The following NLRC4 variants were observed in gnomAD, a reference collection of about 807,000 sequenced individuals.
The protein encoded by NLRC4 is NLR family CARD domain containing 4, also known as NLR family CARD domain-containing protein 4.
Under a neutral mutation model 79.9 loss-of-function variants are expected in NLRC4, and 63 were observed. That is an observed-to-expected ratio of 0.79 (90% CI 0.64 to 0.97). The LOEUF (loss-of-function observed/expected upper bound fraction) is 0.97, where lower values mean the gene tolerates loss of function less well. NLRC4 is among the 50% of genes least tolerant of loss of function. NLRC4 has a pLI of 0.00. For missense variants in NLRC4, 1,074 were observed against 1,215.2 expected (o/e 0.88, Z 1.73); for synonymous variants, 461 against 456.5 (o/e 1.01, Z -0.12).
upstream of NLRC4, among the ~76,000 whole-genome samples, chr2:32,265,284 G>A (rs536707713): frequency 5.9e-5 from 9 of 152,004 alleles, no homozygotes; most frequent in South Asian, 2.1e-4. Context: ...GGGTTCAAGC[G>A]TTCCTCCCGC....
At chr2:32,247,136 C>T (rs1276077675) in intron 4 of NLRC4, among the ~76,000 whole-genome samples, 1 of 152,066 alleles carries the variant, frequency 6.6e-6, no homozygotes, top group African/African-American at 2.4e-5. Flanking sequence ...TCTTGTAACA[C>T]AATTAGCTCC....
rs1687033600 is a variant in NLRC4, at chr2:32,250,105, T to C, written c.1759A>G (p.Asn587Asp). ...AAGTAATCGGGGATGTTCCCTGAGT[T>C]GATATATAAGCTTTTACCTTGAAAG... The part of the protein sequence containing the change: ...AFFQGKSLYI[N>D]SGNIPDYLFD... Residue 587 changes from asparagine to aspartate, a missense_variant, in exon 4 of 9, where the codon AAC becomes GAC. Coordinates refer to ENST00000402280, the MANE Select transcript of NLRC4 (RefSeq NM_001199138.2). The surrounding 1 kb of genome is among the most constrained non-coding windows in gnomAD (Gnocchi z 4.9). The C allele has an allele frequency of 6.2e-7, 1 of 1,614,080 alleles. No individual in the cohort carries two copies. Among genetic ancestry groups the C allele is most frequent in the African/African-American group, 1.3e-5 (1 of 74,952 alleles).
In NLRC4 at chr2:32,250,398, C is replaced by A. The variant is rs780366620; in HGVS notation, c.1466G>T (p.Ser489Ile). 2 of 1,614,194 alleles carry A rather than the reference C, an allele frequency of 1.2e-6. No homozygotes were observed. The highest frequency in any genetic ancestry group is 1.7e-6 in the Non-Finnish European group (2 of 1,180,034). ...TGACCCACAGGTGTACCGGAGCAGG[C>A]TGCTATAAGTGGATGTAATGTCCGA... ...SISDITSTYS[S>I]LLRYTCGSSV... The change falls in exon 4 of 9, where the codon AGC becomes ATC. Residue 489 changes from serine (S) to isoleucine (I), a missense_variant. Coordinates refer to ENST00000402280, the MANE Select transcript of NLRC4 (RefSeq NM_001199138.2). The surrounding 1 kb of genome is among the most constrained non-coding windows in gnomAD (Gnocchi z 4.9).
At chr2:32,261,096 G>A (rs1291943381) in intron 1 of NLRC4, among the ~76,000 whole-genome samples, 3 of 151,270 alleles carry the variant, frequency 2.0e-5, no homozygotes, top group Non-Finnish European at 4.4e-5. Flanking sequence ...GGGAGGCTGA[G>A]GCAGGAGAAT....
chr2:32,226,538 G>A (rs527334265), intron 8 of NLRC4, among the ~76,000 whole-genome samples: 52 of 152,324 alleles, frequency 3.4e-4, no homozygotes, highest in Middle Eastern at 6.8e-3. Flanking sequence ...CATGGTCAGT[G>A]TCACTGACAC....
intron 4 of NLRC4, among the ~76,000 whole-genome samples, chr2:32,241,620 C>T (rs377193245): frequency 5.3e-5 from 8 of 152,014 alleles, no homozygotes; most frequent in South Asian, 4.1e-4. Flanking sequence ...CCTCGTGATC[C>T]GCCTGCCTCG....
intron 4 of NLRC4, among the ~76,000 whole-genome samples, chr2:32,242,306 A>G (rs1470904215): frequency 6.6e-6 from 1 of 152,232 alleles, no homozygotes; most frequent in Non-Finnish European, 1.5e-5. Context: ...AAAATTACCA[A>G]TATCAGAAAC....
chr2:32,227,125 G>C (rs865965333), intron 8 of NLRC4, among the ~76,000 whole-genome samples: 3 of 151,768 alleles, frequency 2.0e-5, no homozygotes, highest in Non-Finnish European at 4.4e-5. Flanking sequence ...CAGTGACCTA[G>C]CTATGGCCAT....
intron 8 of NLRC4, among the ~76,000 whole-genome samples, chr2:32,232,977 G>C (rs909560851): frequency 1.2e-4 from 18 of 151,962 alleles, no homozygotes; most frequent in Non-Finnish European, 2.2e-4. Context: ...CATTAGCGGA[G>C]CATAGTGGCC....
intron 5 of NLRC4, among the ~76,000 whole-genome samples, chr2:32,240,114 G>T (rs1433953667): frequency 6.6e-6 from 1 of 152,126 alleles, no homozygotes. Flanking sequence ...CCAAGTAGCT[G>T]GCATTACAGG....
At chr2:32,237,478 C>G (rs1413600769) in intron 6 of NLRC4, among the ~76,000 whole-genome samples, 5 of 152,158 alleles carry the variant, frequency 3.3e-5, no homozygotes, top group Non-Finnish European at 5.9e-5. Context: ...GTGGGTTTCT[C>G]TAGCTGTAAC....
At chr2:32,246,872 C>T (rs929295305) in intron 4 of NLRC4, among the ~76,000 whole-genome samples, 3 of 152,156 alleles carry the variant, frequency 2.0e-5, no homozygotes, top group Non-Finnish European at 2.9e-5. Context: ...AATTCCTGGG[C>T]TCAAGTGATC....
intron 8 of NLRC4, among the ~76,000 whole-genome samples, chr2:32,225,759 C>T (rs1220720890): frequency 6.6e-6 from 1 of 152,126 alleles, no homozygotes; most frequent in Admixed American, 6.6e-5. Context: ...TGTTTATACT[C>T]CAGAGTATCA....
In NLRC4 at chr2:32,224,724, A is replaced by T. The variant is rs747075901; in HGVS notation, c.2824T>A (p.Leu942Met). Reference sequence around the variant, plus strand: ...CTCACACGATTTCCCGCCAAATTCAACTGCTGGAAGTTTTTCAGAGGGTTC... The same window carrying T: ...CTCACACGATTTCCCGCCAAATTCATCTGCTGGAAGTTTTTCAGAGGGTTC... ...GKNPLKNFQQ[L>M]NLAGNRVSSD... The change falls in exon 9 of 9, where the codon TTG becomes ATG. Residue 942 changes from leucine (L) to methionine (M), a missense_variant. Leu to Met is a conservative substitution (Grantham distance 15). Coordinates refer to ENST00000402280, the MANE Select transcript of NLRC4 (RefSeq NM_001199138.2). The T allele has an allele frequency of 1.9e-6, 3 of 1,599,824 alleles. No individual in the cohort carries two copies.
intron 1 of NLRC4, 131 bp downstream of exon 1, chr2:32,264,606 AG>A (rs1687426645): frequency 6.6e-6 from 1 of 152,022 alleles, no homozygotes; most frequent in South Asian, 2.1e-4. Context: ...AAATCCAGCC[AG>A]GCATGCAAAT....
chr2:32,231,575 G>C (rs868641835), intron 8 of NLRC4, among the ~76,000 whole-genome samples: 1,046 of 71,268 alleles, frequency 0.015, 74 homozygotes, highest in African/African-American at 0.034. Flanking sequence ...TTTTTTTTGT[G>C]GGGGGGGGGT....
chr2:32,254,544 A>G (rs757792177), intron 2 of NLRC4, among the ~76,000 whole-genome samples: 1 of 150,972 alleles, frequency 6.6e-6, no homozygotes, highest in Admixed American at 6.6e-5. Context: ...GCTTGGAGAA[A>G]TGTCTTCCTG....
At chr2:32,249,561 T>C in intron 4 of NLRC4, 46 bp downstream of exon 4, 2 of 1,215,584 alleles carry the variant, frequency 1.6e-6, no homozygotes, top group Non-Finnish European at 2.3e-6. Context: ...TACACTGTTA[T>C]TTTTTTTTAA....
chr2:32,262,079 C>CA (rs1458639934), intron 1 of NLRC4, among the ~76,000 whole-genome samples: 9 of 149,816 alleles, frequency 6.0e-5, no homozygotes, highest in Admixed American at 2.0e-4. Context: ...GACTCTGGGT[C>CA]AAAAAAAAGA....
Sources: allele counts gnomAD v4.1 joint callset (sites outside exome capture counted in the v4.1 genomes callset), GRCh38; gene constraint gnomAD v4.1.1; non-coding constraint Gnocchi (gnomAD v3.1); transcripts MANE v1.5; gene names NCBI Gene and HGNC (gene_info 2026-07-23, HGNC 2026-07-21).